Variants in DPH1 observed in about 807,000 individuals in gnomAD.
DPH1 encodes diphthamide biosynthesis 1, also known as 2-(3-amino-3-carboxypropyl)histidine synthase subunit 1.
DPH1 carries 59 observed loss-of-function variants against 55.3 expected under a neutral mutation model. The ratio of observed to expected loss-of-function variants is 1.07; its 90% CI spans 0.87 to 1.33. The LOEUF is 1.33. Among genes scored for constraint, DPH1 ranks in the 40% most tolerant of loss-of-function variants. The pLI, the probability that DPH1 is intolerant of heterozygous loss-of-function variation, is 0.00. For synonymous variants in DPH1, 238 were observed against 235.5 expected (o/e 1.01, Z -0.10); for missense variants, 628 against 584.8 (o/e 1.07, Z -0.76).
chr17:2,040,321 T>C lies in DPH1; in HGVS notation c.853T>C (p.Trp285Arg), dbSNP rs1361949073. The C allele has an allele frequency of 1.2e-6, 2 of 1,613,948 alleles. No homozygotes were observed. Among genetic ancestry groups the C allele is most frequent in the African/African-American group, 2.7e-5 (2 of 74,954 alleles). Residue 285 changes from tryptophan (W) to arginine (R), a missense_variant, in exon 8 of 13, where the codon TGG (tryptophan) becomes CGG (arginine). Coordinates refer to ENST00000263083, the MANE Select transcript of DPH1 (RefSeq NM_001383.6). ...AGCCACTGCCCGCTCAGCTAAGTCC[T>C]GGGGCCTTATTCTGGGCACTTTGGG... ...AIATARSAKS[W>R]GLILGTLGRQ... is the part of the protein sequence containing the mutation.
At chr17:2,031,006 C>T (rs1286732189) in intron 1 of DPH1, among the ~76,000 whole-genome samples, 2 of 152,192 alleles carry the variant, frequency 1.3e-5, no homozygotes, top group Non-Finnish European at 2.9e-5. Context: ...AGTGTGGGGC[C>T]CTAGCAGAAG....
Position 2,042,796 on chromosome 17 carries a change from G to A in DPH1, c.*210G>A, listed in dbSNP as rs1265005160. 3 of 1,613,932 alleles carry A rather than the reference G, an allele frequency of 1.9e-6. No homozygotes were observed. Among genetic ancestry groups the A allele is most frequent in the South Asian group, 1.1e-5 (1 of 91,088 alleles). On this transcript the variant is annotated 3_prime_UTR_variant, in exon 13 of 13. Coordinates refer to ENST00000263083, the MANE Select transcript of DPH1 (RefSeq NM_001383.6). Reference sequence around the variant, plus strand: ...TTTCAGCCAAGGGGCTGCGCTAGCAGCCCTTGTGTGTGCCCTGGGCCAGGC... The same window carrying A: ...TTTCAGCCAAGGGGCTGCGCTAGCAACCCTTGTGTGTGCCCTGGGCCAGGC...
chr17:2,039,759 C>A lies in DPH1; in HGVS notation c.685C>A (p.Leu229Ile), dbSNP rs775363797. Residue 229 changes from leucine (L) to isoleucine (I), a missense_variant, in exon 7 of 13, where the codon CTT (leucine) becomes ATT (isoleucine). Leu to Ile is a conservative substitution (Grantham distance 5, BLOSUM62 2). Coordinates refer to ENST00000263083, the MANE Select transcript of DPH1 (RefSeq NM_001383.6). ...LSKEVEAVVY[L>I]GDGRFHLESV... The stretch of plus-strand genomic sequence containing the variant: ...GCCTCCTTTCCACCCCTGCAGGTAT[C>A]TTGGAGATGGCCGCTTCCATCTGGA... 26 of 1,614,062 alleles carry A rather than the reference C, an allele frequency of 1.6e-5. No individual in the cohort carries two copies. The East Asian group carries it at 4.9e-4, about 30-fold the overall frequency.
intron 12 of DPH1, chr17:2,042,311 C>T (rs781255719): frequency 7.2e-7 from 1 of 1,392,362 alleles, no homozygotes; most frequent in Non-Finnish European, 9.3e-7. Flanking sequence ...CAGCATCCCC[C>T]ACCCTGCGTC....
chr17:2,041,642 G>A, intron 11 of DPH1, 21 bp downstream of exon 11: 3 of 1,598,378 alleles, frequency 1.9e-6, no homozygotes, highest in Non-Finnish European at 2.6e-6. Flanking sequence ...GCTTCCAGGA[G>A]GGAGGAGAGA....
intron 2 of DPH1, 35 bp from the exon 3 acceptor site, chr17:2,033,734 CCCCTTCCTAG>C: frequency 6.2e-7 from 1 of 1,614,088 alleles, no homozygotes; most frequent in Non-Finnish European, 8.5e-7. Context: ...CCCCTTGCAG[CCCCTTCCTAG>C]CCCTCCACCT....
At position 2,037,216 on chromosome 17, in the gene DPH1, G is replaced by A. The variant is rs2067440509; in HGVS notation, c.680+260G>A. ...GCCTGATGGGGGTTGAGGGTGGGCT[G>A]GAAATGGTGGGAATATAATTGGAGA... is the stretch of plus-strand genomic sequence containing the variant. On this transcript the variant is annotated intron_variant, in intron 6 of 12. Coordinates refer to ENST00000263083, the MANE Select transcript of DPH1 (RefSeq NM_001383.6). 4 of 370,688 alleles carry A rather than the reference G, an allele frequency of 1.1e-5. No individual in the cohort carries two copies. The South Asian group carries it at 2.5e-4, about 23-fold the overall frequency. 23.0% of individuals were successfully genotyped at this position (370,688 alleles called of 1,614,324 possible). A position where few individuals can be genotyped will look rare whatever the true frequency, so the allele number is the denominator to read the frequency against.
At chr17:2,035,199 C>T (rs1357180441) in intron 3 of DPH1, among the ~76,000 whole-genome samples, 1 of 152,040 alleles carries the variant, frequency 6.6e-6, no homozygotes, top group Non-Finnish European at 1.5e-5. Context: ...GGGGGTTCTC[C>T]TCCATTCCTA....
chr17:2,038,326 C>T (rs2067457940), intron 6 of DPH1, among the ~76,000 whole-genome samples: 1 of 152,036 alleles, frequency 6.6e-6, no homozygotes, highest in African/African-American at 2.4e-5. Flanking sequence ...CTCAAAAAAA[C>T]AAAATGAAAA....
chr17:2,042,463 TCC>T, intron 12 of DPH1, 140 bp from the exon 13 acceptor site: 1 of 1,312,642 alleles, frequency 7.6e-7, no homozygotes. Context: ...TCCACTCATT[TCC>T]CCCCTCTCAT....
chr17:2,030,219 G>T lies in DPH1; in HGVS notation c.50G>T (p.Gly17Val). Residue 17 changes from glycine (G) to valine (V), a missense_variant, in exon 1 of 13, where the codon GGC becomes GTC. Coordinates refer to ENST00000263083, the MANE Select transcript of DPH1 (RefSeq NM_001383.6). ...GCAGCGGAGCAGGGCGGCCGAGACG[G>T]CCCTGGCAGAGGTGGGTGCTGGAAC... ...SGAAEQGGRD[G>V]PGRGRAPRGR... 4 of 1,589,568 alleles carry T rather than the reference G, an allele frequency of 2.5e-6. No homozygotes were observed. In the East Asian group the frequency reaches 6.8e-5, roughly 27 times the overall value.
chr17:2,033,348 T>C (rs2067356177), intron 1 of DPH1, 157 bp from the exon 2 acceptor site: 1 of 1,015,142 alleles, frequency 9.9e-7, no homozygotes, highest in South Asian at 1.5e-5. Context: ...GTTGTAGGGC[T>C]AGCTAAGATG....
chr17:2,031,645 G>C (rs2067334144), intron 1 of DPH1, among the ~76,000 whole-genome samples: 1 of 151,920 alleles, frequency 6.6e-6, no homozygotes, highest in Non-Finnish European at 1.5e-5. Flanking sequence ...GGCTGAGGTG[G>C]GAGGATTATC....
intron 3 of DPH1, 66 bp from the exon 4 acceptor site, chr17:2,035,904 G>A: frequency 1.2e-6 from 2 of 1,600,634 alleles, no homozygotes; most frequent in Non-Finnish European, 1.7e-6. Flanking sequence ...ACCCTCCCAG[G>A]GTTGGGTCTC....
rs80150196 is a variant in DPH1 at position 2,039,805 on chromosome 17, C to G, written c.731C>G (p.Pro244Arg). 8,207 of 1,614,154 alleles carry G rather than the reference C, an allele frequency of 5.1e-3. 36 individuals are homozygous for G. Among genetic ancestry groups the G allele is most frequent in the Middle Eastern group, 7.3e-3 (44 of 6,062 alleles). ...FHLESVMIANPNVPAYRYDPY... is the reference protein window; with the variant it reads ...FHLESVMIANRNVPAYRYDPY... The stretch of plus-strand genomic sequence containing the variant: ...CTGGAGTCTGTCATGATTGCCAACC[C>G]CAATGTCCCCGCTTACCGGTATGGG... The change falls in exon 7 of 13, where the codon CCC (proline) becomes CGC (arginine). Residue 244 changes from proline (P) to arginine (R), a missense_variant. Pro to Arg is a moderately radical substitution (Grantham distance 103, BLOSUM62 -2). Transcript: ENST00000263083.
rs570226933 is a variant in DPH1, at chr17:2,039,667, G to A, written c.681-88G>A. The stretch of plus-strand genomic sequence containing the variant: ...GCTGGGATTACAGGCGTGAGCCACC[G>A]CGCCCGGCCAGCCCTGTGGACTTCT... On this transcript the variant is annotated intron_variant, in intron 6 of 12. Transcript: ENST00000263083. 233 of 1,549,452 alleles carry A rather than the reference G, an allele frequency of 1.5e-4. 1 individual carries two copies. In the African/African-American group the frequency reaches 2.9e-3, roughly 19 times the overall value.
rs1169537928 is a variant in DPH1 at position 2,040,341 on chromosome 17, T to C, written c.873T>C (p.Thr291=). 1.2e-6 allele frequency: 2 copies of C among 1,613,972 alleles called. No homozygotes were observed. The highest frequency in any genetic ancestry group is 1.7e-6 in the Non-Finnish European group (2 of 1,180,026). ...SAKSWGLILG[T]LGRQGSPKIL... ...AGTCCTGGGGCCTTATTCTGGGCAC[T>C]TTGGGCCGCCAGGGCAGTCCTAAGA... Residue 291 remains threonine (T), a synonymous_variant, in exon 8 of 13, where the codon ACT becomes ACC. Transcript: ENST00000263083.
rs1363088691 is a variant in DPH1, at chr17:2,042,839, C to T, written c.*253C>T. 2 of 1,614,174 alleles carry T rather than the reference C, an allele frequency of 1.2e-6. No homozygotes were observed. Among genetic ancestry groups the T allele is most frequent in the South Asian group, 2.2e-5 (2 of 91,088 alleles). On this transcript the variant is annotated 3_prime_UTR_variant, in exon 13 of 13. Coordinates refer to ENST00000263083, the MANE Select transcript of DPH1 (RefSeq NM_001383.6). The stretch of plus-strand genomic sequence containing the variant: ...GGCCAGGCAGGCGATCCCCGCTTCC[C>T]CTTGCCACGGTTTATCCTCTTGGTG...
chr17:2,039,885 G>A, intron 7 of DPH1, 62 bp downstream of exon 7: 2 of 1,608,136 alleles, frequency 1.2e-6, no homozygotes, highest in Non-Finnish European at 1.7e-6. Context: ...TGCCACTGAG[G>A]TCCTCAATTG....
Sources: allele counts gnomAD v4.1 joint callset (sites outside exome capture counted in the v4.1 genomes callset), GRCh38; gene constraint gnomAD v4.1.1; transcripts MANE v1.5; gene names NCBI Gene and HGNC (gene_info 2026-07-23, HGNC 2026-07-21).